Variants in EXOC1 observed in about 807,000 individuals in gnomAD.
The protein encoded by EXOC1 is exocyst complex component 1.
A neutral mutation model predicts 107.7 loss-of-function variants in EXOC1; 67 were observed. The observed-to-expected ratio is 0.62, with a 90% CI of 0.51 to 0.76. The LOEUF (loss-of-function observed/expected upper bound fraction) is 0.76, where lower values mean the gene tolerates loss of function less well. EXOC1 is among the 30% of genes least tolerant of loss of function. EXOC1 has a pLI of 0.00. For missense variants in EXOC1, 833 were observed against 1,055.7 expected, an observed-to-expected ratio of 0.79 and a Z score of 2.92; for synonymous variants, 348 against 353.5, an observed-to-expected ratio of 0.98 and a Z score of 0.17.
In EXOC1 at chr4:55,858,466, A is replaced by G. The variant is rs1377113304; in HGVS notation, c.124+19A>G. On this transcript the variant is annotated intron_variant, in intron 2 of 18. Transcript: ENST00000381295. Reference sequence around the variant, plus strand: ...GCCACAGGTGGGTATTTAGTAAGAAAGAGTACTTGTTTTGTATCCTTTTAT... The same window carrying G: ...GCCACAGGTGGGTATTTAGTAAGAAGGAGTACTTGTTTTGTATCCTTTTAT... 1 of 1,568,090 alleles carries G rather than the reference A, an allele frequency of 6.4e-7. No homozygotes were observed. The highest frequency in any genetic ancestry group is 8.6e-7 in the Non-Finnish European group (1 of 1,160,708).
At chr4:55,894,033 A>C (rs2109472378) in intron 15 of EXOC1, among the ~76,000 whole-genome samples, 1 of 152,242 alleles carries the variant, frequency 6.6e-6, no homozygotes, top group East Asian at 1.9e-4. Flanking sequence ...TGCTTAAGAG[A>C]TCCACTGGAG....
intron 3 of EXOC1, among the ~76,000 whole-genome samples, chr4:55,862,214 T>C (rs1721544359): frequency 6.6e-6 from 1 of 152,232 alleles, no homozygotes. Flanking sequence ...TCAGTAGTTT[T>C]GCACTTCGTA....
At chr4:55,895,063 A>G (rs905294206) in intron 15 of EXOC1, among the ~76,000 whole-genome samples, 2 of 152,184 alleles carry the variant, frequency 1.3e-5, no homozygotes, top group East Asian at 3.9e-4. Context: ...AGTTGCATAT[A>G]TATATATAAA....
chr4:55,900,963 A>G (rs1185794143), intron 17 of EXOC1, among the ~76,000 whole-genome samples: 5 of 152,222 alleles, frequency 3.3e-5, no homozygotes, highest in East Asian at 1.9e-4. Flanking sequence ...TGCAGAACTA[A>G]TTCCTTATAA....
rs1722346109 is a variant in EXOC1, at chr4:55,870,666, T to A, written c.604-12T>A. 4 of 1,569,692 alleles carry A rather than the reference T, an allele frequency of 2.5e-6. No individual in the cohort carries two copies. The African/African-American group carries it at 5.5e-5, about 22-fold the overall frequency. ...TTTGTTTGTTTGTTTGTTTTGGTCT[T>A]TAACTTTGTAGGCTAACATCCAGTC... On this transcript the variant is annotated splice_polypyrimidine_tract_variant and intron_variant, in intron 5 of 18. Transcript: ENST00000381295.
In EXOC1 at chr4:55,871,227, C is replaced by T. The variant is rs745819122; in HGVS notation, c.958C>T (p.Arg320Ter). 2.5e-6 allele frequency: 4 copies of T among 1,612,056 alleles called. No homozygotes were observed. The highest frequency in any genetic ancestry group is 2.2e-5 in the East Asian group (1 of 44,790). ...TCTGCAGTGCATGAATGTAGCTCTT[C>T]GACCAGGTATGTTCATTAGAAATGA... The part of the protein sequence containing the change: ...ALLQCMNVAL[R>*]PGHDLLLAVK... Residue 320 changes from arginine (R) to a stop codon, truncating the protein, a stop_gained, in exon 7 of 19, where the codon CGA becomes TGA. Coordinates refer to ENST00000381295, the MANE Select transcript of EXOC1 (RefSeq NM_001024924.2). LOFTEE classifies it high-confidence loss of function.
intron 18 of EXOC1, among the ~76,000 whole-genome samples, chr4:55,902,932 T>C (rs1726135901): frequency 6.6e-6 from 1 of 151,830 alleles, no homozygotes; most frequent in African/African-American, 2.4e-5. Flanking sequence ...ATACATCTCT[T>C]GTACAGTAGC....
chr4:55,903,209 G>T (rs1366641187), intron 18 of EXOC1, among the ~76,000 whole-genome samples: 2 of 151,216 alleles, frequency 1.3e-5, no homozygotes, highest in African/African-American at 2.4e-5. Context: ...AAGAAAATCA[G>T]CTTAGAGAGG....
rs1721367179 is a variant in EXOC1 at position 55,860,430 on chromosome 4, G to T, written c.144G>T (p.Val48=). 1.9e-6 allele frequency: 3 copies of T among 1,613,880 alleles called. No individual in the cohort carries two copies. Among genetic ancestry groups the T allele is most frequent in the Non-Finnish European group, 2.5e-6 (3 of 1,179,838 alleles). Residue 48 remains valine (V), a synonymous_variant, in exon 3 of 19, where the codon GTG becomes GTT. Transcript: ENST00000381295. ...LCATVTTERP[V]QVKVVKVKKS... ...CAACAGTGACAACTGAACGCCCTGT[G>T]CAGGTTAAGGTGGTCAAAGTCAAGA...
At chr4:55,882,039 G>C (rs1431831128) in intron 9 of EXOC1, among the ~76,000 whole-genome samples, 3 of 152,212 alleles carry the variant, frequency 2.0e-5, no homozygotes, top group Admixed American at 6.5e-5. Flanking sequence ...AGCCAGTAGA[G>C]AAGATGGTGA....
rs1220800958 is a variant in EXOC1 at position 55,871,177 on chromosome 4, C to A, written c.908C>A (p.Ala303Asp). The change falls in exon 7 of 19, where the codon GCC (alanine) becomes GAC (aspartate). Residue 303 changes from alanine to aspartate, a missense_variant. Coordinates refer to ENST00000381295, the MANE Select transcript of EXOC1 (RefSeq NM_001024924.2). Reference sequence around the variant, plus strand: ...CTTGCTTCTTCCAGAGGCATTGAGGCCTGCACCAATGCTGCTGATGCCCTT... The same window carrying A: ...CTTGCTTCTTCCAGAGGCATTGAGGACTGCACCAATGCTGCTGATGCCCTT... ...GDLASSRGIE[A>D]CTNAADALLQ... 6.2e-7 allele frequency: 1 copy of A among 1,613,894 alleles called. No homozygotes were observed. The highest frequency in any genetic ancestry group is 1.7e-5 in the Admixed American group (1 of 59,996).
At chr4:55,870,533 G>A (rs11935692) in intron 5 of EXOC1, 145 bp from the exon 6 acceptor site, 151,164 of 662,736 alleles carry the variant, frequency 0.23, 18,418 homozygotes, top group Non-Finnish European at 0.25. Context: ...TGAAGTAGAT[G>A]TGTAGGTATA....
rs1370172967 is a variant in EXOC1 at position 55,904,435 on chromosome 4, A to G, written c.2625A>G (p.Thr875=). 6.2e-7 allele frequency: 1 copy of G among 1,612,988 alleles called. No homozygotes were observed. Among genetic ancestry groups the G allele is most frequent in the African/African-American group, 1.3e-5 (1 of 74,622 alleles). Residue 875 remains threonine (T), a synonymous_variant, in exon 19 of 19, where the codon ACA becomes ACG. Transcript: ENST00000381295. ...IARCYPGSGV[T]MEFTIQDILD... is the part of the protein sequence containing the mutation. The stretch of plus-strand genomic sequence containing the variant: ...GCTGTTATCCTGGATCTGGTGTTAC[A>G]ATGGAATTCACTATTCAGGACATTC...
At chr4:55,898,829 C>T (rs533602852) in intron 16 of EXOC1, among the ~76,000 whole-genome samples, 2 of 152,194 alleles carry the variant, frequency 1.3e-5, no homozygotes, top group East Asian at 1.9e-4. Flanking sequence ...ATGTCATTAT[C>T]CATTTACCAA....
chr4:55,880,658 CAGTG>C (rs1199658342), intron 9 of EXOC1, among the ~76,000 whole-genome samples: 4 of 152,100 alleles, frequency 2.6e-5, no homozygotes, highest in African/African-American at 7.2e-5. Context: ...ATTGTGTTCC[CAGTG>C]AGTATTATTG....
In EXOC1 at chr4:55,881,417, G is replaced by A. The variant is rs538089599; in HGVS notation, c.1225-2406G>A. On this transcript the variant is annotated intron_variant, in intron 9 of 18. Transcript: ENST00000381295. Reference sequence around the variant, plus strand: ...TTATTGTTGTGAACCCCAAATGTCTGAGACAAGATCTCAGTCAATTTAGGA... The same window carrying A: ...TTATTGTTGTGAACCCCAAATGTCTAAGACAAGATCTCAGTCAATTTAGGA... 5.3e-5 allele frequency among the ~76,000 whole-genome samples: 8 copies of A among 152,244 alleles called. 1 individual carries two copies. The highest frequency in any genetic ancestry group is 1.9e-4 in the African/African-American group (8 of 41,548).
intron 8 of EXOC1, chr4:55,876,083 A>G: frequency 1.0e-6 from 1 of 985,050 alleles, no homozygotes; most frequent in Non-Finnish European, 1.2e-6. Flanking sequence ...CTTTGGCAAC[A>G]TAGAAATAGA....
chr4:55,865,089 G>T (rs1362233224), intron 4 of EXOC1, among the ~76,000 whole-genome samples: 2 of 152,118 alleles, frequency 1.3e-5, no homozygotes, highest in Non-Finnish European at 2.9e-5. Flanking sequence ...CTTAATATAT[G>T]AACATAGTAA....
At position 55,904,301 on chromosome 4, in the gene EXOC1, T is replaced by G. The variant is rs200468733; in HGVS notation, c.2533-42T>G. On this transcript the variant is annotated intron_variant, in intron 18 of 18. Transcript: ENST00000381295. ...TATTTCTGCATACTAGATTACATAT[T>G]ATTTCCATTCATAGCCTAATGACTT... 66 of 1,549,832 alleles carry G rather than the reference T, an allele frequency of 4.3e-5. 1 individual carries two copies. The African/African-American group carries it at 8.6e-4, about 20-fold the overall frequency.
Sources: gnomAD v4.1 joint callset for allele counts (sites outside exome capture counted in the v4.1 genomes callset) on GRCh38, gnomAD v4.1.1 for gene constraint, MANE v1.5 for transcripts, NCBI Gene and HGNC (gene_info 2026-07-23, HGNC 2026-07-21) for gene names.